Variants in TENM3 observed in about 807,000 individuals in gnomAD.
TENM3 encodes teneurin-3.
Under a neutral mutation model 255.1 loss-of-function variants are expected in TENM3, and 63 were observed. The ratio of observed to expected loss-of-function variants is 0.25; its 90% confidence interval spans 0.20 to 0.30. The LOEUF is 0.30. Among genes scored for constraint, TENM3 ranks in the 10% least tolerant of loss-of-function variants. TENM3 has a pLI of 1.00. For missense variants in TENM3, 2,929 were observed against 3,461.1 expected, an observed-to-expected ratio of 0.85 and a Z score of 3.86; for synonymous variants, 1,306 against 1,322.3, an observed-to-expected ratio of 0.99 and a Z score of 0.27.
chr4:182,787,144 G>T (rs967598436), intron 24 of TENM3, among the ~76,000 whole-genome samples: 3 of 152,214 alleles, frequency 2.0e-5, no homozygotes, highest in African/African-American at 7.2e-5. Context: ...ATAAGGCAGG[G>T]AGCAACTGAT....
chr4:181,769,969 A>G, the TENM3 span, among the ~76,000 whole-genome samples: 1 of 152,176 alleles, frequency 6.6e-6, no homozygotes. Flanking sequence ...ATATGGTACA[A>G]TTTTTGGAAA....
chr4:182,696,314 A>G (rs913741327), intron 12 of TENM3, among the ~76,000 whole-genome samples: 4 of 152,228 alleles, frequency 2.6e-5, no homozygotes, highest in Non-Finnish European at 5.9e-5. Flanking sequence ...TTATCTCTCT[A>G]TACTCTCTAT....
the TENM3 span, among the ~76,000 whole-genome samples, chr4:181,448,645 TC>T: frequency 6.6e-6 from 1 of 152,176 alleles, no homozygotes. Context: ...TAAATGGAAA[TC>T]AAGGATATTG....
chr4:181,675,938 A>T, the TENM3 span, among the ~76,000 whole-genome samples: 1 of 152,258 alleles, frequency 6.6e-6, no homozygotes, highest in Non-Finnish European at 1.5e-5. Context: ...TGCAAAAAAC[A>T]CCTTAGAAAA....
the TENM3 span, among the ~76,000 whole-genome samples, chr4:181,537,841 G>A: frequency 6.6e-6 from 1 of 152,154 alleles, no homozygotes; most frequent in Non-Finnish European, 1.5e-5. Flanking sequence ...ACAAAATCCT[G>A]TCTTTGTCTG....
the TENM3 span, among the ~76,000 whole-genome samples, chr4:181,675,997 C>G: frequency 8.5e-5 from 13 of 152,180 alleles, no homozygotes; most frequent in Admixed American, 2.0e-4. Context: ...GTTTCTTCCT[C>G]TACTGACTCA....
At chr4:182,763,614 A>G (rs1307733538) in intron 22 of TENM3, among the ~76,000 whole-genome samples, 1 of 152,198 alleles carries the variant, frequency 6.6e-6, no homozygotes, top group Admixed American at 6.5e-5. Flanking sequence ...GCCTTGCCAA[A>G]ATTAGAAGAA....
At chr4:181,518,536 T>A in the TENM3 span, among the ~76,000 whole-genome samples, 1 of 152,236 alleles carries the variant, frequency 6.6e-6, no homozygotes, top group Admixed American at 6.5e-5. Context: ...CAAGCGATTC[T>A]CCTGCCTCAG....
chr4:182,378,741 TAA>T (rs1348140736), intron 3 of TENM3, among the ~76,000 whole-genome samples: 1 of 152,142 alleles, frequency 6.6e-6, no homozygotes, highest in Non-Finnish European at 1.5e-5. Context: ...TTTGAATTTT[TAA>T]AAGATTATTT....
intron 3 of TENM3, among the ~76,000 whole-genome samples, chr4:182,376,790 T>C (rs1444717670): frequency 6.6e-6 from 1 of 152,098 alleles, no homozygotes; most frequent in Non-Finnish European, 1.5e-5. Context: ...TCCTGTGAGT[T>C]TTACCTGGGT....
At chr4:182,523,835 G>A (rs201928473) in intron 3 of TENM3, among the ~76,000 whole-genome samples, 9 of 151,452 alleles carry the variant, frequency 5.9e-5, no homozygotes, top group Admixed American at 1.3e-4. Flanking sequence ...TTATTATTTC[G>A]GAGAGACAAA....
chr4:182,674,502 T>C (rs1451853550), intron 7 of TENM3, among the ~76,000 whole-genome samples: 1 of 152,206 alleles, frequency 6.6e-6, no homozygotes, highest in African/African-American at 2.4e-5. Context: ...ATGCATTGTA[T>C]ACTTCTTATA....
chr4:182,393,277 A>G (rs1768562501), intron 3 of TENM3, among the ~76,000 whole-genome samples: 1 of 152,232 alleles, frequency 6.6e-6, no homozygotes, highest in South Asian at 2.1e-4. Flanking sequence ...TGTAGCTTAA[A>G]TAAAAAACTG....
chr4:181,477,039 G>A, the TENM3 span, among the ~76,000 whole-genome samples: 1 of 151,674 alleles, frequency 6.6e-6, no homozygotes, highest in African/African-American at 2.4e-5. Context: ...TAGGTAATTT[G>A]CTCAAGAGAA....
chr4:182,478,283 A>T (rs1351746995), intron 3 of TENM3, among the ~76,000 whole-genome samples: 1 of 152,124 alleles, frequency 6.6e-6, no homozygotes, highest in Non-Finnish European at 1.5e-5. Flanking sequence ...AATTTTTTCT[A>T]ATGTCATGTG....
the TENM3 span, among the ~76,000 whole-genome samples, chr4:181,807,479 G>A: frequency 1.3e-5 from 2 of 152,020 alleles, no homozygotes; most frequent in East Asian, 1.9e-4. Context: ...TCAGCCTCCC[G>A]AGTAGCTGGG....
chr4:182,187,651 CA>C (rs1395440412), intron 1 of TENM3, among the ~76,000 whole-genome samples: 1 of 151,694 alleles, frequency 6.6e-6, no homozygotes, highest in Non-Finnish European at 1.5e-5. Context: ...TTTGGTTGAA[CA>C]GAAATTAATT....
intron 4 of TENM3, among the ~76,000 whole-genome samples, chr4:182,624,030 G>C (rs1396869370): frequency 6.7e-6 from 1 of 149,948 alleles, no homozygotes; most frequent in African/African-American, 2.4e-5. Flanking sequence ...TGTCTGAGAT[G>C]TAAGGCACAG....
At chr4:181,998,694 T>A in the TENM3 span, among the ~76,000 whole-genome samples, 4,944 of 152,160 alleles carry the variant, frequency 0.032, 248 homozygotes, top group African/African-American at 0.11. Flanking sequence ...CTCAAACCTC[T>A]CCAGCCATTA....
Sources: allele counts gnomAD v4.1 joint callset (sites outside exome capture counted in the v4.1 genomes callset), GRCh38; gene constraint gnomAD v4.1.1; transcripts MANE v1.5; gene names NCBI Gene and HGNC (gene_info 2026-07-23, HGNC 2026-07-21).